The following HACD2 variants were observed in gnomAD, a reference collection of about 807,000 sequenced individuals.
HACD2 encodes the protein very-long-chain (3R)-3-hydroxyacyl-CoA dehydratase 2.
A neutral mutation model predicts 31.0 loss-of-function variants in HACD2; 15 were observed. The ratio of observed to expected loss-of-function variants is 0.48; its 90% CI spans 0.32 to 0.75. The LOEUF is 0.75. Ranked by LOEUF, HACD2 falls within the 30% of genes least tolerant of loss-of-function variation. The pLI is 0.03. For missense variants in HACD2, 283 were observed against 313.0 expected (o/e 0.90, Z 0.72); for synonymous variants, 115 against 122.2 (o/e 0.94, Z 0.39).
chr3:123,569,942 T>C lies in HACD2; in HGVS notation c.274-2162A>G, dbSNP rs548342414. ...AGACAGAGGTTGCAGTGAGCCGAGA[T>C]TGCGCCACTGCACTCCAGCGTGGGC... On this transcript the variant is annotated intron_variant, in intron 2 of 6. Transcript: ENST00000383657. Among the ~76,000 whole-genome samples the C allele has an allele frequency of 3.1e-4, 40 of 130,256 alleles. No homozygotes were observed. The South Asian group carries it at 8.5e-3, about 28-fold the overall frequency. The allele number at this position is 130,256 out of a possible 152,430, so 85.5% of individuals were successfully genotyped here.
chr3:123,554,739 A>C (rs902626154), intron 3 of HACD2, among the ~76,000 whole-genome samples: 3 of 152,214 alleles, frequency 2.0e-5, no homozygotes, highest in African/African-American at 7.2e-5. Flanking sequence ...TGATTAAGGG[A>C]CACAAAATAA....
intron 3 of HACD2, among the ~76,000 whole-genome samples, chr3:123,566,815 A>G (rs530855718): frequency 2.6e-5 from 4 of 152,246 alleles, no homozygotes; most frequent in Admixed American, 2.0e-4. Context: ...GATCGCATCA[A>G]TGCACTCTAG....
At chr3:123,513,481 A>G (rs955707184) in intron 4 of HACD2, among the ~76,000 whole-genome samples, 2 of 152,206 alleles carry the variant, frequency 1.3e-5, no homozygotes, top group African/African-American at 4.8e-5. Context: ...GTGCCTCCTG[A>G]GAAGAGCAGG....
At chr3:123,517,720 C>T (rs138467506) in intron 4 of HACD2, among the ~76,000 whole-genome samples, 6 of 152,272 alleles carry the variant, frequency 3.9e-5, no homozygotes, top group East Asian at 1.9e-4. Context: ...GAACATGAAA[C>T]TGGCAATATA....
chr3:123,579,324 T>G (rs1213013785), intron 2 of HACD2, among the ~76,000 whole-genome samples: 2 of 151,860 alleles, frequency 1.3e-5, no homozygotes, highest in African/African-American at 4.8e-5. Flanking sequence ...AGACAAGGTC[T>G]CACTCTGTCA....
chr3:123,510,940 T>C (rs1269957817), intron 4 of HACD2, among the ~76,000 whole-genome samples: 1 of 144,814 alleles, frequency 6.9e-6, no homozygotes, highest in Non-Finnish European at 1.5e-5. Context: ...GTGTTTTTTT[T>C]TTTTGTTTTT....
chr3:123,502,193 C>A (rs1255545127), intron 5 of HACD2, among the ~76,000 whole-genome samples: 1 of 152,090 alleles, frequency 6.6e-6, no homozygotes, highest in Non-Finnish European at 1.5e-5. Flanking sequence ...CCAAAAAAAC[C>A]CATCACAATG....
Position 123,545,137 on chromosome 3 carries a change from C to CT in HACD2, c.293-16664dup, listed in dbSNP as rs1435400315. Among the ~76,000 whole-genome samples, 109 of 138,218 alleles carry CT rather than the reference C, an allele frequency of 7.9e-4. 1 individual carries two copies. The highest frequency in any genetic ancestry group is 2.8e-3 in the African/African-American group (102 of 36,464). 90.7% of individuals were successfully genotyped at this position (138,218 alleles called of 152,430 possible). A position where few individuals can be genotyped will look rare whatever the true frequency, so the allele number is the denominator to read the frequency against. On this transcript the variant is annotated intron_variant, in intron 3 of 6. Coordinates refer to ENST00000383657, the MANE Select transcript of HACD2 (RefSeq NM_198402.5). The stretch of plus-strand genomic sequence containing the variant: ...TTCTTCTTTAGTACTTTGGTACTAG[C>CT]TGTTTTTTTTTTTTTTTTAAACAAT...
intron 6 of HACD2, among the ~76,000 whole-genome samples, 166 bp from the exon 7 acceptor site, chr3:123,495,136 GACTT>G (rs2055817167): frequency 6.6e-6 from 1 of 152,174 alleles, no homozygotes; most frequent in African/African-American, 2.4e-5. Context: ...AACACAGAGA[GACTT>G]ACCTCCTTTC....
At chr3:123,582,145 T>C in intron 2 of HACD2, 67 bp downstream of exon 2, 4 of 1,080,860 alleles carry the variant, frequency 3.7e-6, no homozygotes, top group Non-Finnish European at 5.2e-6. Context: ...TACTTCAATA[T>C]AATTTAGTTG....
chr3:123,521,855 C>A (rs1249487890), intron 4 of HACD2, among the ~76,000 whole-genome samples: 1 of 152,188 alleles, frequency 6.6e-6, no homozygotes, highest in Non-Finnish European at 1.5e-5. Context: ...TAAGAAGACG[C>A]TTGCTTGCTT....
chr3:123,536,877 G>A (rs918893575), intron 3 of HACD2, among the ~76,000 whole-genome samples: 4 of 152,088 alleles, frequency 2.6e-5, no homozygotes, highest in Non-Finnish European at 2.9e-5. Flanking sequence ...TAAGGCAAAA[G>A]GTAGACATCA....
chr3:123,551,464 A>G (rs56146489), intron 3 of HACD2, among the ~76,000 whole-genome samples: 1 of 151,708 alleles, frequency 6.6e-6, no homozygotes, highest in Non-Finnish European at 1.5e-5. Context: ...ACTAAAAAAA[A>G]ATATATAAAA....
chr3:123,528,059 G>C (rs2056306778), intron 4 of HACD2, among the ~76,000 whole-genome samples: 1 of 152,196 alleles, frequency 6.6e-6, no homozygotes, highest in African/African-American at 2.4e-5. Context: ...AGGAGTTCGA[G>C]AGCGGCCTGG....
chr3:123,500,438 A>C, intron 6 of HACD2, 77 bp downstream of exon 6: 1 of 902,314 alleles, frequency 1.1e-6, no homozygotes, highest in South Asian at 1.8e-5. Flanking sequence ...TATAGTGCAA[A>C]GACAGTCAAA....
At chr3:123,534,741 C>T (rs995344889) in intron 3 of HACD2, among the ~76,000 whole-genome samples, 5 of 150,834 alleles carry the variant, frequency 3.3e-5, no homozygotes, top group South Asian at 2.1e-4. Context: ...AAGTGGGACA[C>T]GATGTGGAGG....
chr3:123,514,461 G>A (rs1466101738), intron 4 of HACD2, among the ~76,000 whole-genome samples: 1 of 152,178 alleles, frequency 6.6e-6, no homozygotes. Flanking sequence ...CAACCACTCC[G>A]GGGGTACAAT....
chr3:123,520,400 C>T (rs1393755452), intron 4 of HACD2, among the ~76,000 whole-genome samples: 1 of 152,194 alleles, frequency 6.6e-6, no homozygotes, highest in East Asian at 1.9e-4. Flanking sequence ...GCCAGAGCTA[C>T]ACTGTCTAAT....
At chr3:123,580,629 A>C (rs1191503541) in intron 2 of HACD2, among the ~76,000 whole-genome samples, 1 of 151,812 alleles carries the variant, frequency 6.6e-6, no homozygotes, top group Non-Finnish European at 1.5e-5. Flanking sequence ...ATGAAGTTTT[A>C]AAAATTATCC....
Sources: gnomAD v4.1 joint callset for allele counts (sites outside exome capture counted in the v4.1 genomes callset) on GRCh38, gnomAD v4.1.1 for gene constraint, MANE v1.5 for transcripts, NCBI Gene and HGNC (gene_info 2026-07-23, HGNC 2026-07-21) for gene names.